The following NEDD4L variants were observed in gnomAD, a reference collection of about 807,000 sequenced individuals.
The protein encoded by NEDD4L is NEDD4 like E3 ubiquitin protein ligase.
NEDD4L carries 54 observed loss-of-function variants against 148.9 expected under a neutral mutation model. That is an observed-to-expected ratio of 0.36 (90% CI 0.29 to 0.45). NEDD4L has a LOEUF of 0.45. Among genes scored for constraint, NEDD4L ranks in the 20% least tolerant of loss-of-function variants. The probability of loss-of-function intolerance (pLI) is 1.00; values close to 1 mark genes in which losing one functional copy is unlikely to be tolerated. For missense variants in NEDD4L, 856 were observed against 1,233.8 expected, an observed-to-expected ratio of 0.69 and a Z score of 4.59; for synonymous variants, 433 against 440.7, an observed-to-expected ratio of 0.98 and a Z score of 0.22.
intron 19 of NEDD4L, among the ~76,000 whole-genome samples, chr18:58,359,517 C>T (rs2045192127): frequency 6.6e-6 from 1 of 152,206 alleles, no homozygotes; most frequent in East Asian, 1.9e-4. Context: ...TTTAAACTTT[C>T]CTAATAGTCA....
rs1238343519 is a variant in NEDD4L at position 58,398,264 on chromosome 18, G to T, written c.*1995G>T. ...CAGTTAACATGACAAATGTCTCAGT[G>T]GCAAAAATCCCCTTTTTGTAAGCCC... On this transcript the variant is annotated 3_prime_UTR_variant, in exon 31 of 31. Transcript: ENST00000400345. 1.4e-5 allele frequency: 2 copies of T among 147,052 alleles called. No individual in the cohort carries two copies. Among genetic ancestry groups the T allele is most frequent in the African/African-American group, 5.3e-5 (2 of 37,898 alleles). 9.1% of individuals were successfully genotyped at this position (147,052 alleles called of 1,614,324 possible).
intron 2 of NEDD4L, among the ~76,000 whole-genome samples, chr18:58,223,118 T>C (rs900567599): frequency 3.3e-5 from 5 of 151,674 alleles, no homozygotes; most frequent in Non-Finnish European, 7.4e-5. Flanking sequence ...TCTAGTAAGA[T>C]GGAAGTCAAG....
At chr18:58,250,370 A>G (rs770099184) in intron 4 of NEDD4L, among the ~76,000 whole-genome samples, 22 of 151,870 alleles carry the variant, frequency 1.4e-4, no homozygotes, top group Admixed American at 1.4e-3. Flanking sequence ...GGCTGGTCTC[A>G]CTCTCCTGAC....
At chr18:58,063,155 C>T (rs114656564) in intron 1 of NEDD4L, among the ~76,000 whole-genome samples, 2,645 of 147,824 alleles carry the variant, frequency 0.018, 71 homozygotes, top group African/African-American at 0.062. Flanking sequence ...ACACGATCCT[C>T]CTACCACAGC....
chr18:58,235,727 T>TAA (rs1216026775), intron 2 of NEDD4L, among the ~76,000 whole-genome samples: 1 of 152,138 alleles, frequency 6.6e-6, no homozygotes, highest in African/African-American at 2.4e-5. Flanking sequence ...AGGGAATAAT[T>TAA]AGTTCAGAAG....
intron 1 of NEDD4L, among the ~76,000 whole-genome samples, chr18:58,154,869 T>A (rs76610331): frequency 0.019 from 2,912 of 152,300 alleles, 86 homozygotes; most frequent in African/African-American, 0.067. Context: ...CAGATACTAT[T>A]GTGACAAGAG....
At chr18:58,045,441 C>A in intron 1 of NEDD4L, 2 of 283,830 alleles carry the variant, frequency 7.0e-6, no homozygotes, top group Non-Finnish European at 6.5e-6. Context: ...TAATTGATCT[C>A]TTTTATTAAT....
intron 1 of NEDD4L, 52 bp downstream of exon 1, chr18:58,044,760 C>T (rs2081495146): frequency 8.2e-6 from 13 of 1,585,566 alleles, no homozygotes; most frequent in South Asian, 1.1e-5. Context: ...TCCTATCCCG[C>T]GCCGGCAGGG....
At chr18:58,396,090 C>T in intron 30 of NEDD4L, 77 bp from the exon 31 acceptor site, 3 of 962,378 alleles carry the variant, frequency 3.1e-6, no homozygotes, top group Non-Finnish European at 4.9e-6. Flanking sequence ...TTCTCTTACT[C>T]AAACCTCATG....
chr18:58,184,001 C>G (rs934416378), intron 2 of NEDD4L, among the ~76,000 whole-genome samples: 1 of 152,142 alleles, frequency 6.6e-6, no homozygotes, highest in African/African-American at 2.4e-5. Flanking sequence ...AACCCCGTCT[C>G]TACTAAAAAT....
intron 29 of NEDD4L, 102 bp downstream of exon 29, chr18:58,390,844 A>C (rs2049723885): frequency 1.3e-6 from 1 of 794,272 alleles, no homozygotes; most frequent in South Asian, 1.5e-5. Context: ...CAGAAGGCTA[A>C]GTTTCAGGAC....
chr18:58,210,704 C>T (rs525839), intron 2 of NEDD4L, among the ~76,000 whole-genome samples: 68,708 of 151,896 alleles, frequency 0.45, 16,888 homozygotes, highest in African/African-American at 0.64. Context: ...TTTACTCTTC[C>T]AGGACATACT....
chr18:58,097,677 A>G (rs996349390), intron 1 of NEDD4L, among the ~76,000 whole-genome samples: 7 of 152,198 alleles, frequency 4.6e-5, no homozygotes, highest in African/African-American at 1.7e-4. Flanking sequence ...ATGGTTTCAG[A>G]TGCCAGCCTG....
At chr18:58,232,361 T>G (rs1454223426) in intron 2 of NEDD4L, among the ~76,000 whole-genome samples, 3 of 152,204 alleles carry the variant, frequency 2.0e-5, no homozygotes, top group African/African-American at 7.2e-5. Flanking sequence ...TATAATAATG[T>G]GTCCTTTTTG....
At chr18:58,328,627 C>CTGTG (rs2059524420) in intron 9 of NEDD4L, among the ~76,000 whole-genome samples, 1 of 152,202 alleles carries the variant, frequency 6.6e-6, no homozygotes, top group East Asian at 1.9e-4. Flanking sequence ...TGCCCAGCTG[C>CTGTG]TGTGTGAACT....
chr18:58,381,742 C>G (rs2048362808), intron 24 of NEDD4L, among the ~76,000 whole-genome samples: 1 of 152,146 alleles, frequency 6.6e-6, no homozygotes, highest in East Asian at 1.9e-4. Flanking sequence ...TTTATTAACA[C>G]ATAGAACAAA....
At chr18:58,137,329 A>T (rs1419951972) in intron 1 of NEDD4L, among the ~76,000 whole-genome samples, 1 of 152,232 alleles carries the variant, frequency 6.6e-6, no homozygotes, top group Non-Finnish European at 1.5e-5. Context: ...GTTTTTCAGC[A>T]GGGCCTCATG....
At position 58,056,907 on chromosome 18, in the gene NEDD4L, T is replaced by TTTTTTTTG. The variant is rs1555677525; in HGVS notation, c.48+12202_48+12203insTTTTGTTT. On this transcript the variant is annotated intron_variant, in intron 1 of 30. Coordinates refer to ENST00000400345, the MANE Select transcript of NEDD4L (RefSeq NM_001144967.3). ...GAGCTATGCCCTCTTTTTTTTTTTT[T>TTTTTTTTG]TTTGTTTGTTTGTTTATAACTGTGT... Among the ~76,000 whole-genome samples the TTTTTTTTG allele has an allele frequency of 2.0e-5, 3 of 148,160 alleles. No homozygotes were observed. The East Asian group carries it at 5.9e-4, about 29-fold the overall frequency.
intron 13 of NEDD4L, among the ~76,000 whole-genome samples, chr18:58,337,487 A>G (rs1474580498): frequency 6.6e-6 from 1 of 152,164 alleles, no homozygotes; most frequent in Non-Finnish European, 1.5e-5. Flanking sequence ...GGCTGGAGCC[A>G]TCATGGTATT....
Sources: gnomAD v4.1 joint callset for allele counts (sites outside exome capture counted in the v4.1 genomes callset) on GRCh38, gnomAD v4.1.1 for gene constraint, MANE v1.5 for transcripts, NCBI Gene and HGNC (gene_info 2026-07-23, HGNC 2026-07-21) for gene names.